Variants in NRXN3 observed in about 807,000 individuals in gnomAD.
The protein encoded by NRXN3 is neurexin 3.
Under a neutral mutation model 137.6 loss-of-function variants are expected in NRXN3, and 32 were observed. The ratio of observed to expected loss-of-function variants is 0.23; its 90% CI spans 0.18 to 0.31. The LOEUF is 0.31. Among genes scored for constraint, NRXN3 ranks in the 10% least tolerant of loss-of-function variants. The pLI, the probability that NRXN3 is intolerant of heterozygous loss-of-function variation, is 1.00. For synonymous variants in NRXN3, 798 were observed against 784.5 expected, an observed-to-expected ratio of 1.02 and a Z score of -0.29; for missense variants, 1,574 against 2,062.5, an observed-to-expected ratio of 0.76 and a Z score of 4.59.
intron 16 of NRXN3, among the ~76,000 whole-genome samples, chr14:79,660,965 A>T (rs770130988): frequency 1.3e-5 from 2 of 151,998 alleles, no homozygotes; most frequent in African/African-American, 2.4e-5. Flanking sequence ...GTGGGCAGTG[A>T]CACACACACA....
At chr14:79,664,404 C>G (rs1397777103) in intron 17 of NRXN3, among the ~76,000 whole-genome samples, 1 of 152,076 alleles carries the variant, frequency 6.6e-6, no homozygotes, top group Non-Finnish European at 1.5e-5. Flanking sequence ...CTTGAAGACA[C>G]AGATCAAGTC....
At chr14:79,776,389 G>A (rs1000271769) in intron 19 of NRXN3, among the ~76,000 whole-genome samples, 1 of 152,100 alleles carries the variant, frequency 6.6e-6, no homozygotes, top group Admixed American at 6.5e-5. Flanking sequence ...AATATGGCTT[G>A]TGACCCATGC....
At chr14:79,100,263 A>G (rs2051028876) in intron 15 of NRXN3, among the ~76,000 whole-genome samples, 1 of 152,216 alleles carries the variant, frequency 6.6e-6, no homozygotes, top group African/African-American at 2.4e-5. Context: ...GGCATAAGAC[A>G]CCTACACATG....
chr14:79,689,319 G>A (rs994832669), intron 17 of NRXN3, among the ~76,000 whole-genome samples: 7 of 152,048 alleles, frequency 4.6e-5, no homozygotes, highest in African/African-American at 1.4e-4. Context: ...ATATTTAGAA[G>A]GTTGTTTGCG....
intron 15 of NRXN3, among the ~76,000 whole-genome samples, chr14:79,059,885 G>T (rs547620849): frequency 1.3e-5 from 2 of 152,282 alleles, no homozygotes; most frequent in East Asian, 3.9e-4. Flanking sequence ...CCCATCTCTC[G>T]AATCAGACAG....
chr14:79,488,123 T>C (rs1007802610), intron 16 of NRXN3, among the ~76,000 whole-genome samples: 4 of 152,034 alleles, frequency 2.6e-5, no homozygotes, highest in African/African-American at 9.7e-5. Context: ...GAGACAAAAG[T>C]GAAGTAGAAT....
chr14:79,055,968 T>C (rs1390122854), intron 15 of NRXN3, among the ~76,000 whole-genome samples: 1 of 152,172 alleles, frequency 6.6e-6, no homozygotes, highest in Admixed American at 6.6e-5. Context: ...TTGTACCTTA[T>C]GGGTACTGAA....
chr14:78,435,594 G>A (rs149404803), intron 4 of NRXN3, among the ~76,000 whole-genome samples: 1 of 152,312 alleles, frequency 6.6e-6, no homozygotes, highest in Non-Finnish European at 1.5e-5. Flanking sequence ...AAACAAAAGT[G>A]TAGTGTTCAC....
In NRXN3 at chr14:78,837,343, G is replaced by A. The variant is rs574710894; in HGVS notation, c.2275+26999G>A. Among the ~76,000 whole-genome samples, 6 of 152,246 alleles carry A rather than the reference G, an allele frequency of 3.9e-5. No homozygotes were observed. In the East Asian group the frequency reaches 7.7e-4, roughly 20 times the overall value. ...AGGCCCTCTTTGTTGGCTTTAAAAT[G>A]TTTATTGATTTGGGGATTTAATGTT... On this transcript the variant is annotated intron_variant, in intron 10 of 20. Transcript: ENST00000335750.
At position 79,817,039 on chromosome 14, in the gene NRXN3, G is replaced by A. The variant is rs2293817; in HGVS notation, c.4093+11849G>A. Reference sequence around the variant, plus strand: ...GTGCAGTATTTTGCTTTAATTTGGTGTGAAGTTTAGTTGCCCCCATAATTA... The same window carrying A: ...GTGCAGTATTTTGCTTTAATTTGGTATGAAGTTTAGTTGCCCCCATAATTA... On this transcript the variant is annotated intron_variant, in intron 20 of 20. Transcript: ENST00000335750. 4.6e-4 allele frequency among the ~76,000 whole-genome samples: 70 copies of A among 152,136 alleles called. 2 individuals carry two copies. In the East Asian group the frequency reaches 0.014, roughly 29 times the overall value.
chr14:79,164,744 G>A (rs187065748), intron 15 of NRXN3, among the ~76,000 whole-genome samples: 21 of 152,004 alleles, frequency 1.4e-4, no homozygotes, highest in Admixed American at 1.1e-3. Context: ...AAATTAACAG[G>A]TCATTGCTCA....
chr14:79,505,769 G>T (rs2096872414), intron 16 of NRXN3, among the ~76,000 whole-genome samples: 2 of 152,204 alleles, frequency 1.3e-5, no homozygotes, highest in South Asian at 4.1e-4. Flanking sequence ...AGTCTGGATG[G>T]ATTAGGCACT....
At chr14:78,622,988 T>C (rs1030166599) in intron 4 of NRXN3, among the ~76,000 whole-genome samples, 9 of 152,234 alleles carry the variant, frequency 5.9e-5, no homozygotes, top group African/African-American at 1.7e-4. Context: ...TTTCTGTATA[T>C]TATGTCTCTT....
intron 7 of NRXN3, among the ~76,000 whole-genome samples, chr14:78,713,935 C>T (rs939145698): frequency 3.9e-5 from 6 of 152,184 alleles, no homozygotes; most frequent in African/African-American, 1.4e-4. Flanking sequence ...GGTGGGAACA[C>T]AGCCAAACCA....
chr14:79,196,384 G>T (rs1394056980), intron 15 of NRXN3, among the ~76,000 whole-genome samples: 2 of 152,180 alleles, frequency 1.3e-5, no homozygotes, highest in Non-Finnish European at 2.9e-5. Context: ...TGATCCCATG[G>T]TGAAAGTTAT....
chr14:78,923,149 C>A (rs988845930), intron 10 of NRXN3, among the ~76,000 whole-genome samples: 1 of 152,170 alleles, frequency 6.6e-6, no homozygotes, highest in East Asian at 1.9e-4. Flanking sequence ...AGTGCTGCCT[C>A]GAGCCCACAA....
chr14:79,621,381 T>G (rs1205672604), intron 16 of NRXN3, among the ~76,000 whole-genome samples: 1 of 152,218 alleles, frequency 6.6e-6, no homozygotes, highest in Non-Finnish European at 1.5e-5. Context: ...TTTGTGGTAT[T>G]GTTTCTACAA....
intron 6 of NRXN3, among the ~76,000 whole-genome samples, chr14:78,666,457 G>A (rs2097887545): frequency 6.6e-6 from 1 of 152,198 alleles, no homozygotes; most frequent in Non-Finnish European, 1.5e-5. Context: ...AAGCCAGGGT[G>A]GGTGCAGTGT....
intron 4 of NRXN3, among the ~76,000 whole-genome samples, chr14:78,535,631 G>T (rs1025431794): frequency 6.6e-6 from 1 of 152,188 alleles, no homozygotes; most frequent in Non-Finnish European, 1.5e-5. Flanking sequence ...AGGAGGAAAA[G>T]ACTAAAAAGT....
Sources: allele counts gnomAD v4.1 joint callset (sites outside exome capture counted in the v4.1 genomes callset), GRCh38; gene constraint gnomAD v4.1.1; transcripts MANE v1.5; gene names NCBI Gene and HGNC (gene_info 2026-07-23, HGNC 2026-07-21).